PADI3: variants seen among roughly 807,000 people sequenced by gnomAD.
The protein encoded by PADI3 is protein-arginine deiminase type-3.
A neutral mutation model predicts 71.5 loss-of-function variants in PADI3; 53 were observed. The observed-to-expected ratio is 0.74, with a 90% CI of 0.59 to 0.93. PADI3 has a LOEUF of 0.93. Among genes scored for constraint, PADI3 ranks in the 40% least tolerant of loss-of-function variants. PADI3 has a pLI of 0.00. For synonymous variants in PADI3, 361 were observed against 347.5 expected (o/e 1.04, Z -0.43); for missense variants, 821 against 868.0 (o/e 0.95, Z 0.68).
chr1:17,253,138 T>G (rs57760668), intron 1 of PADI3, among the ~76,000 whole-genome samples: 16,810 of 152,170 alleles, frequency 0.11, 1,013 homozygotes, highest in East Asian at 0.16. Context: ...AGAAACTGAG[T>G]CACAGAGGTG....
Position 17,270,219 on chromosome 1 carries a change from C to T in PADI3, c.653-14C>T, listed in dbSNP as rs758550158. Reference sequence around the variant, plus strand: ...CCACAGGGAGTCACAGCCACCCCGTCCCTCCCCTTCCAGGTCCTGAGGATG... The same window carrying T: ...CCACAGGGAGTCACAGCCACCCCGTTCCTCCCCTTCCAGGTCCTGAGGATG... On this transcript the variant is annotated splice_polypyrimidine_tract_variant and intron_variant, in intron 6 of 15. Transcript: ENST00000375460. The T allele has an allele frequency of 8.1e-6, 13 of 1,603,606 alleles. No homozygotes were observed. The highest frequency in any genetic ancestry group is 8.0e-5 in the African/African-American group (6 of 74,594).
rs573460738 is a variant in PADI3, at chr1:17,254,049, G to T, written c.92+4820G>T. 1.8e-4 allele frequency among the ~76,000 whole-genome samples: 27 copies of T among 152,294 alleles called. No individual in the cohort carries two copies. In the South Asian group the frequency reaches 4.8e-3, roughly 27 times the overall value. On this transcript the variant is annotated intron_variant, in intron 1 of 15. Coordinates refer to ENST00000375460, the MANE Select transcript of PADI3 (RefSeq NM_016233.2). ...AGAGAGCTGGGCCCTTGGGGGGATT[G>T]GTGCATTTCTGCTCTTTTAAATACG... is the stretch of plus-strand genomic sequence containing the variant.
At chr1:17,279,588 C>A (rs2073376169) in intron 13 of PADI3, among the ~76,000 whole-genome samples, 1 of 152,184 alleles carries the variant, frequency 6.6e-6, no homozygotes, top group South Asian at 2.1e-4. Context: ...CACAAGCCCC[C>A]ACATATCCTA....
At chr1:17,281,142 G>A (rs1261328308) in intron 15 of PADI3, among the ~76,000 whole-genome samples, 2 of 152,242 alleles carry the variant, frequency 1.3e-5, no homozygotes, top group Non-Finnish European at 2.9e-5. Flanking sequence ...CCCAGCTTGT[G>A]GCTCTTCATC....
At chr1:17,275,177 C>T (rs1221777591) in intron 11 of PADI3, among the ~76,000 whole-genome samples, 2 of 151,642 alleles carry the variant, frequency 1.3e-5, no homozygotes, top group South Asian at 2.1e-4. Flanking sequence ...TGGTTCATGC[C>T]GTAATCCCAG....
At chr1:17,274,835 G>A (rs1227656783) in intron 11 of PADI3, 49 bp downstream of exon 11, 3 of 1,584,978 alleles carry the variant, frequency 1.9e-6, no homozygotes, top group South Asian at 1.1e-5. Flanking sequence ...GCTGAGGGTT[G>A]GGGGTGGTGA....
chr1:17,271,171 G>A lies in PADI3; in HGVS notation c.1040G>A (p.Trp347Ter). The change falls in exon 9 of 16, where the codon TGG (tryptophan) becomes TAG (stop). Residue 347 changes from tryptophan to a stop codon, truncating the protein, a stop_gained. Coordinates refer to ENST00000375460, the MANE Select transcript of PADI3 (RefSeq NM_016233.2). LOFTEE classifies it high-confidence loss of function. Reference sequence around the variant, plus strand: ...CAGGCCGAGAACCGCAACGACCGCTGGATCCAGGTAACCACAGCCACTGGG... The same window carrying A: ...CAGGCCGAGAACCGCAACGACCGCTAGATCCAGGTAACCACAGCCACTGGG... ...CPQAENRNDR[W>*]IQDEMELGYV... 1.2e-6 allele frequency: 2 copies of A among 1,612,642 alleles called. No homozygotes were observed. The highest frequency in any genetic ancestry group is 1.7e-6 in the Non-Finnish European group (2 of 1,179,838).
At chr1:17,276,684 G>T (rs763430376) in intron 12 of PADI3, 21 bp downstream of exon 12, 48 of 1,613,810 alleles carry the variant, frequency 3.0e-5, no homozygotes, top group Non-Finnish European at 4.0e-5. Flanking sequence ...CGTGCATGAC[G>T]TGTCTTTCCC....
intron 11 of PADI3, 68 bp from the exon 12 acceptor site, chr1:17,276,451 T>C (rs1469345616): frequency 1.9e-6 from 3 of 1,539,540 alleles, no homozygotes; most frequent in Admixed American, 3.5e-5. Context: ...TGCTAAACTC[T>C]TGTCATTTTA....
chr1:17,272,218 G>A (rs1172073659), intron 9 of PADI3, among the ~76,000 whole-genome samples: 1 of 152,150 alleles, frequency 6.6e-6, no homozygotes, highest in Non-Finnish European at 1.5e-5. Flanking sequence ...GGCAGAGACC[G>A]AGCATGCGCA....
intron 1 of PADI3, among the ~76,000 whole-genome samples, chr1:17,257,010 C>T (rs866723531): frequency 2.2e-4 from 26 of 117,916 alleles, no homozygotes; most frequent in Admixed American, 8.3e-4. Flanking sequence ...CCAGCCTGGG[C>T]GACAGAGCAA....
rs571748539 is a variant in PADI3, at chr1:17,262,979, ATC to A, written c.346+777_346+778del. 1.4e-3 allele frequency among the ~76,000 whole-genome samples: 211 copies of A among 152,320 alleles called. 2 individuals are homozygous for A. Among genetic ancestry groups the A allele is most frequent in the Admixed American group, 2.6e-3 (40 of 15,294 alleles). On this transcript the variant is annotated intron_variant, in intron 3 of 15. Transcript: ENST00000375460. ...GCCCAGGCTGGAGTGCAATGGCACAATCTCAGCTCACCGCAACCTCCGCCTCC... is the reference window on the plus strand; with the variant it reads ...GCCCAGGCTGGAGTGCAATGGCACAATCAGCTCACCGCAACCTCCGCCTCC...
Position 17,282,988 on chromosome 1 carries a change from C to T in PADI3, c.1904C>T (p.Thr635Ile), listed in dbSNP as rs767108956. 3.7e-6 allele frequency: 6 copies of T among 1,614,222 alleles called. No individual in the cohort carries two copies. Among genetic ancestry groups the T allele is most frequent in the Non-Finnish European group, 4.2e-6 (5 of 1,180,016 alleles). The change falls in exon 16 of 16, where the codon ACT (threonine) becomes ATT (isoleucine). Residue 635 changes from threonine to isoleucine, a missense_variant. Transcript: ENST00000375460. ...GLHCTFIDDF[T>I]PYHMLHGEVH... ...CACTGCACCTTCATTGATGACTTCA[C>T]TCCATACCACATGCTGCATGGGGAG...
At chr1:17,257,632 A>G (rs1184704367) in intron 1 of PADI3, among the ~76,000 whole-genome samples, 1 of 152,220 alleles carries the variant, frequency 6.6e-6, no homozygotes, top group African/African-American at 2.4e-5. Context: ...GATGGAGAGA[A>G]GCTTGGGCTT....
At chr1:17,268,831 A>C (rs1255661690) in intron 6 of PADI3, among the ~76,000 whole-genome samples, 12 of 151,418 alleles carry the variant, frequency 7.9e-5, no homozygotes, top group South Asian at 6.3e-4. Flanking sequence ...TAATCAGACA[A>C]TATGGAAGTA....
chr1:17,276,154 G>C (rs969013344), intron 11 of PADI3, among the ~76,000 whole-genome samples: 2 of 152,162 alleles, frequency 1.3e-5, no homozygotes, highest in Admixed American at 1.3e-4. Flanking sequence ...GGCCAACATG[G>C]TGAAACCCCA....
chr1:17,282,753 G>T, intron 15 of PADI3, 93 bp from the exon 16 acceptor site: 2 of 890,792 alleles, frequency 2.2e-6, no homozygotes, highest in Admixed American at 2.4e-5. Flanking sequence ...TATTGACAAG[G>T]CTGTCTAAAA....
At chr1:17,269,102 C>T (rs1324536814) in intron 6 of PADI3, among the ~76,000 whole-genome samples, 3 of 151,300 alleles carry the variant, frequency 2.0e-5, no homozygotes, top group South Asian at 2.1e-4. Context: ...CCAGGCTGGT[C>T]GTGAACTCCT....
rs201466833 is a variant in PADI3 at position 17,283,114 on chromosome 1, C to T, written c.*35C>T. 191 of 1,548,792 alleles carry T rather than the reference C, an allele frequency of 1.2e-4. No homozygotes were observed. The East Asian group carries it at 2.4e-3, about 20-fold the overall frequency. Reference sequence around the variant, plus strand: ...CACCCACCATCCTGTCCCCCTGGGGCGGGCATTGGCCCAGGTGGTGGAGAC... The same window carrying T: ...CACCCACCATCCTGTCCCCCTGGGGTGGGCATTGGCCCAGGTGGTGGAGAC... On this transcript the variant is annotated 3_prime_UTR_variant, in exon 16 of 16. Transcript: ENST00000375460.
Sources: gnomAD v4.1 joint callset for allele counts (sites outside exome capture counted in the v4.1 genomes callset) on GRCh38, gnomAD v4.1.1 for gene constraint, MANE v1.5 for transcripts, NCBI Gene and HGNC (gene_info 2026-07-23, HGNC 2026-07-21) for gene names.